The following ADK variants were observed in gnomAD, a reference collection of about 807,000 sequenced individuals.
ADK encodes N6,N6-dimethyladenosine kinase.
Under a neutral mutation model 44.7 loss-of-function variants are expected in ADK, and 24 were observed. The observed-to-expected ratio is 0.54, with a 90% CI of 0.39 to 0.76. The LOEUF (loss-of-function observed/expected upper bound fraction) is 0.76. Among genes scored for constraint, ADK ranks in the 30% least tolerant of loss-of-function variants. The pLI is 0.00. For missense variants in ADK, 321 were observed against 425.1 expected (o/e 0.76, Z 2.15); for synonymous variants, 128 against 142.6 (o/e 0.90, Z 0.73).
chr10:74,597,423 G>C (rs913728993), intron 8 of ADK, among the ~76,000 whole-genome samples: 5 of 152,082 alleles, frequency 3.3e-5, no homozygotes, highest in African/African-American at 4.8e-5. Flanking sequence ...CTTTATTCTG[G>C]TTTCAACCGT....
At chr10:74,699,590 T>TC (rs112569243) in intron 10 of ADK, among the ~76,000 whole-genome samples, 3 of 152,136 alleles carry the variant, frequency 2.0e-5, no homozygotes, top group Admixed American at 6.5e-5. Flanking sequence ...AGCAGGAGAA[T>TC]CACTTGAACG....
intron 10 of ADK, among the ~76,000 whole-genome samples, chr10:74,703,502 A>G (rs1856504630): frequency 6.6e-6 from 1 of 152,146 alleles, no homozygotes; most frequent in Non-Finnish European, 1.5e-5. Context: ...AATAACAAAT[A>G]AATTAAAAAT....
At chr10:74,700,036 C>T (rs1196755981) in intron 10 of ADK, among the ~76,000 whole-genome samples, 1 of 152,104 alleles carries the variant, frequency 6.6e-6, no homozygotes, top group Non-Finnish European at 1.5e-5. Context: ...AGAATTTATC[C>T]TGAAGATACG....
At chr10:74,627,944 A>G (rs112565580) in intron 9 of ADK, among the ~76,000 whole-genome samples, 7 of 152,222 alleles carry the variant, frequency 4.6e-5, no homozygotes, top group African/African-American at 1.7e-4. Context: ...GCCTACCACA[A>G]TGTTTTTTAA....
intron 9 of ADK, among the ~76,000 whole-genome samples, chr10:74,614,747 A>G (rs1483577873): frequency 6.6e-6 from 1 of 151,196 alleles, no homozygotes; most frequent in African/African-American, 2.4e-5. Flanking sequence ...CTTCAGTCCT[A>G]TAATCAACTA....
chr10:74,152,340 G>C (rs1289094864), intron 1 of ADK, among the ~76,000 whole-genome samples: 3 of 152,114 alleles, frequency 2.0e-5, no homozygotes, highest in South Asian at 4.1e-4. Flanking sequence ...TACCCTCAAA[G>C]GGTTAGTGTG....
chr10:74,485,462 A>AAAATAAAT (rs200618866), intron 6 of ADK, among the ~76,000 whole-genome samples: 3,561 of 143,988 alleles, frequency 0.025, 132 homozygotes, highest in African/African-American at 0.078. Flanking sequence ...ACCCTGTCTC[A>AAAATAAAT]AAATAAATAA....
intron 6 of ADK, among the ~76,000 whole-genome samples, chr10:74,444,444 C>T (rs1845527189): frequency 6.6e-6 from 1 of 152,038 alleles, no homozygotes; most frequent in African/African-American, 2.4e-5. Flanking sequence ...GAACCTTTTT[C>T]TTGAAAGAGT....
chr10:74,691,477 C>T (rs1564854558), intron 10 of ADK, among the ~76,000 whole-genome samples: 2 of 152,108 alleles, frequency 1.3e-5, no homozygotes, highest in Non-Finnish European at 1.5e-5. Flanking sequence ...GGATAAAGAA[C>T]ATTGGTAACT....
At position 74,164,672 on chromosome 10, in the gene ADK, T is replaced by C. The variant is rs1034687637; in HGVS notation, c.65+13329T>C. Among the ~76,000 whole-genome samples, 7 of 152,206 alleles carry C rather than the reference T, an allele frequency of 4.6e-5. No homozygotes were observed. The South Asian group carries it at 1.2e-3, about 27-fold the overall frequency. On this transcript the variant is annotated intron_variant, in intron 1 of 10. Transcript: ENST00000539909. ...TGTTCTTTAGAGAAATATATACATT[T>C]CTAGACTTATACTCGTAGATTCTTA...
At chr10:74,580,617 C>G (rs1243580650) in intron 7 of ADK, among the ~76,000 whole-genome samples, 4 of 151,270 alleles carry the variant, frequency 2.6e-5, no homozygotes, top group African/African-American at 9.7e-5. Flanking sequence ...AGCTCTCTCT[C>G]TTTGCCTGCT....
At chr10:74,432,507 A>G (rs911351633) in intron 6 of ADK, among the ~76,000 whole-genome samples, 1 of 152,190 alleles carries the variant, frequency 6.6e-6, no homozygotes, top group African/African-American at 2.4e-5. Context: ...TTAGGAATGT[A>G]TCATTTATCT....
At chr10:74,234,694 G>C (rs994486880) in intron 3 of ADK, among the ~76,000 whole-genome samples, 2 of 152,110 alleles carry the variant, frequency 1.3e-5, no homozygotes, top group African/African-American at 4.8e-5. Flanking sequence ...ATGGTAATCT[G>C]ATATTTCCAA....
intron 7 of ADK, among the ~76,000 whole-genome samples, chr10:74,536,122 C>T (rs909257737): frequency 1.3e-5 from 2 of 150,708 alleles, no homozygotes; most frequent in African/African-American, 2.4e-5. Context: ...CATTTTTTTT[C>T]CACATTCTAA....
At chr10:74,167,087 A>T (rs1410190366) in intron 1 of ADK, among the ~76,000 whole-genome samples, 2 of 152,250 alleles carry the variant, frequency 1.3e-5, no homozygotes, top group African/African-American at 2.4e-5. Context: ...AGAGGTAAGT[A>T]TTGCTCTGTG....
chr10:74,608,948 T>A (rs1274262919), intron 9 of ADK, among the ~76,000 whole-genome samples: 1 of 152,134 alleles, frequency 6.6e-6, no homozygotes, highest in Non-Finnish European at 1.5e-5. Context: ...AGAGAGGCGG[T>A]CTGGCTACAG....
In ADK at chr10:74,616,020, C is replaced by T. The variant is rs140674909; in HGVS notation, c.877+15527C>T. On this transcript the variant is annotated intron_variant, in intron 9 of 10. Coordinates refer to ENST00000539909, the MANE Select transcript of ADK (RefSeq NM_006721.4). ...CATCGTGCCTGGCCTTGCTTACTGG[C>T]ATTTGGATATCATCTTTGATTGTAT... Among the ~76,000 whole-genome samples the T allele has an allele frequency of 3.3e-4, 50 of 152,146 alleles. No individual in the cohort carries two copies. In the East Asian group the frequency reaches 9.3e-3, roughly 28 times the overall value.
intron 6 of ADK, among the ~76,000 whole-genome samples, chr10:74,445,075 T>C (rs1005637487): frequency 2.0e-5 from 3 of 152,068 alleles, no homozygotes; most frequent in Admixed American, 2.0e-4. Flanking sequence ...GTTTATTCAA[T>C]ATTTTAATAA....
intron 4 of ADK, among the ~76,000 whole-genome samples, chr10:74,377,683 A>G (rs770819630): frequency 6.6e-6 from 1 of 152,172 alleles, no homozygotes; most frequent in Admixed American, 6.5e-5. Flanking sequence ...TCTGGCCACA[A>G]CATCAGGCAG....
Sources: gnomAD v4.1 joint callset for allele counts (sites outside exome capture counted in the v4.1 genomes callset) on GRCh38, gnomAD v4.1.1 for gene constraint, MANE v1.5 for transcripts, NCBI Gene and HGNC (gene_info 2026-07-23, HGNC 2026-07-21) for gene names.